The following ZEB2 variants were observed in gnomAD, a reference collection of about 807,000 sequenced individuals.
ZEB2 encodes the protein zinc finger E-box-binding homeobox 2.
In ZEB2, 6 loss-of-function variants were observed where a neutral mutation model predicts 99.9. The ratio of observed to expected loss-of-function variants is 0.06; its 90% CI spans 0.03 to 0.12. ZEB2 has a LOEUF of 0.12. Ranked by LOEUF, ZEB2 falls within the 10% of genes least tolerant of loss-of-function variation. The pLI is 1.00. For missense variants in ZEB2, 969 were observed against 1,502.8 expected (o/e 0.64, Z 5.87); for synonymous variants, 517 against 542.5 (o/e 0.95, Z 0.65).
intron 2 of ZEB2, chr2:144,512,943 C>T: frequency 7.8e-7 from 1 of 1,287,248 alleles, no homozygotes; most frequent in Non-Finnish European, 1.0e-6. Flanking sequence ...TCCCTAGAAG[C>T]TCATCAACTT....
chr2:144,455,960 A>T (rs1704116978), intron 2 of ZEB2, among the ~76,000 whole-genome samples: 1 of 152,152 alleles, frequency 6.6e-6, no homozygotes, highest in African/African-American at 2.4e-5. Flanking sequence ...TCCAAGCAGT[A>T]CTTAACCAAA....
intron 2 of ZEB2, among the ~76,000 whole-genome samples, chr2:144,505,316 G>C (rs1704937424): frequency 3.9e-5 from 6 of 152,132 alleles, no homozygotes; most frequent in Non-Finnish European, 8.8e-5. Context: ...AGCGACTGGG[G>C]GAAAGACAAG....
rs1057520175 is a variant in ZEB2 at position 144,424,811 on chromosome 2, T to C, written c.388A>G (p.Ile130Val). 8 of 1,613,968 alleles carry C rather than the reference T, an allele frequency of 5.0e-6. No homozygotes were observed. The highest frequency in any genetic ancestry group is 1.1e-5 in the South Asian group (1 of 91,086). The change falls in exon 4 of 10, where the codon ATT becomes GTT. Residue 130 changes from isoleucine (I) to valine (V), a missense_variant. Transcript: ENST00000627532. ...MGPEATIQTA[I>V]NNGTVKNANC... is the part of the protein sequence containing the mutation. ...CATAACTCACCTGTACCATTGTTAA[T>C]TGCGGTCTGGATCGTGGCTTCTGGC...
rs759505392 is a variant in ZEB2, at chr2:144,398,802, G to A, written c.2385C>T (p.Asn795=). The change falls in exon 8 of 10, where the codon AAC becomes AAT. Residue 795 remains asparagine, a synonymous_variant. Coordinates refer to ENST00000627532, the MANE Select transcript of ZEB2 (RefSeq NM_014795.4). ...TTGGAGTGTATGAACTACTGTGGGA[G>A]TTTTTAGAAGATGTGGAGGAAAGAT... The part of the protein sequence containing the change: ...PLNLSSTSSK[N]SHSSSYTPNS... The A allele has an allele frequency of 2.5e-6, 4 of 1,613,990 alleles. No individual in the cohort carries two copies. The highest frequency in any genetic ancestry group is 1.3e-5 in the African/African-American group (1 of 74,926).
At chr2:144,445,715 T>TG (rs1364688960) in intron 2 of ZEB2, among the ~76,000 whole-genome samples, 2 of 152,008 alleles carry the variant, frequency 1.3e-5, no homozygotes, top group African/African-American at 2.4e-5. Context: ...CCTCATTTTT[T>TG]GGGGGAAAAT....
At chr2:144,490,403 C>A (rs1296351456) in intron 2 of ZEB2, among the ~76,000 whole-genome samples, 1 of 152,126 alleles carries the variant, frequency 6.6e-6, no homozygotes, top group Non-Finnish European at 1.5e-5. Context: ...CCTCACAGAA[C>A]CTTTCCTACT....
intron 4 of ZEB2, among the ~76,000 whole-genome samples, chr2:144,409,611 T>A (rs560296567): frequency 6.6e-6 from 1 of 152,172 alleles, no homozygotes; most frequent in Non-Finnish European, 1.5e-5. Context: ...TTGCATTTAG[T>A]CCTAAAATTT....
At chr2:144,430,120 T>A (rs1703750494) in intron 2 of ZEB2, 94 bp from the exon 3 acceptor site, 3 of 1,524,644 alleles carry the variant, frequency 2.0e-6, no homozygotes, top group Non-Finnish European at 2.7e-6. Flanking sequence ...TAATTAATAT[T>A]TTCATAACTG....
intron 4 of ZEB2, among the ~76,000 whole-genome samples, chr2:144,419,683 T>C (rs1319585270): frequency 6.6e-6 from 1 of 152,192 alleles, no homozygotes; most frequent in African/African-American, 2.4e-5. Flanking sequence ...ACCTAATAAT[T>C]TCATTTTGAA....
chr2:144,422,342 T>C (rs907385874), intron 4 of ZEB2, among the ~76,000 whole-genome samples: 2 of 152,232 alleles, frequency 1.3e-5, no homozygotes, highest in Admixed American at 1.3e-4. Flanking sequence ...ATCCTCTGAA[T>C]AGATGTCACA....
chr2:144,503,071 T>C (rs1229497184), intron 2 of ZEB2, among the ~76,000 whole-genome samples: 2 of 152,174 alleles, frequency 1.3e-5, no homozygotes, highest in Non-Finnish European at 2.9e-5. Context: ...GAAAAATAAA[T>C]CTTTTATCCT....
At chr2:144,513,123 G>A (rs528883666) in intron 2 of ZEB2, 1 of 1,286,086 alleles carries the variant, frequency 7.8e-7, no homozygotes, top group Non-Finnish European at 1.0e-6. Flanking sequence ...TGGAGAAGGG[G>A]TTGACTGCAT....
intron 2 of ZEB2, chr2:144,515,939 G>T (rs1161072590): frequency 6.6e-6 from 1 of 152,044 alleles, no homozygotes; most frequent in Non-Finnish European, 1.5e-5. Context: ...GGCAGGCCGG[G>T]GGCGCGCACA....
chr2:144,476,764 G>A (rs1704435795), intron 2 of ZEB2, among the ~76,000 whole-genome samples: 1 of 152,134 alleles, frequency 6.6e-6, no homozygotes, highest in Admixed American at 6.5e-5. Flanking sequence ...ACAATTTTAT[G>A]TACTGAAAAT....
At chr2:144,502,341 T>G (rs1704884445) in intron 2 of ZEB2, among the ~76,000 whole-genome samples, 2 of 152,176 alleles carry the variant, frequency 1.3e-5, no homozygotes, top group Non-Finnish European at 1.5e-5. Flanking sequence ...GATTTTTTTT[T>G]TCATAAAGTT....
chr2:144,447,234 G>A (rs940725640), intron 2 of ZEB2, among the ~76,000 whole-genome samples: 3 of 152,060 alleles, frequency 2.0e-5, no homozygotes. Context: ...ATAAATAAGA[G>A]GGTTCTGACT....
At chr2:144,443,453 A>T (rs1703944346) in intron 2 of ZEB2, among the ~76,000 whole-genome samples, 1 of 152,208 alleles carries the variant, frequency 6.6e-6, no homozygotes, top group African/African-American at 2.4e-5. Context: ...TCAATCTGAT[A>T]CTGTAAATTT....
intron 2 of ZEB2, among the ~76,000 whole-genome samples, chr2:144,500,983 C>G (rs903392738): frequency 6.7e-6 from 1 of 149,686 alleles, no homozygotes; most frequent in African/African-American, 2.5e-5. Flanking sequence ...CTTGCAGATA[C>G]AGATCATTAA....
chr2:144,479,522 C>T (rs993986544), intron 2 of ZEB2, among the ~76,000 whole-genome samples: 2 of 152,102 alleles, frequency 1.3e-5, no homozygotes, highest in Admixed American at 1.3e-4. Context: ...ATCCGCAGCA[C>T]CTAAACTTTA....
Sources: gnomAD v4.1 joint callset for allele counts (sites outside exome capture counted in the v4.1 genomes callset) on GRCh38, gnomAD v4.1.1 for gene constraint, MANE v1.5 for transcripts, NCBI Gene and HGNC (gene_info 2026-07-23, HGNC 2026-07-21) for gene names.